Variants in VPS13B observed in about 807,000 individuals in gnomAD.
The protein encoded by VPS13B is intermembrane lipid transfer protein VPS13B.
In VPS13B, 285 loss-of-function variants were observed where a neutral mutation model predicts 426.4. The observed-to-expected ratio is 0.67, with a 90% confidence interval of 0.61 to 0.74. VPS13B has a LOEUF of 0.74. Ranked by LOEUF, VPS13B falls within the 30% of genes least tolerant of loss-of-function variation. VPS13B has a pLI of 0.00. For missense variants in VPS13B, 4,537 were observed against 4,782.6 expected (o/e 0.95, Z 1.51); for synonymous variants, 1,676 against 1,676.4 (o/e 1.00, Z 0.01).
chr8:99,582,983 G>GT (rs759308542), intron 33 of VPS13B, among the ~76,000 whole-genome samples: 16 of 152,218 alleles, frequency 1.1e-4, no homozygotes, highest in Non-Finnish European at 1.8e-4. Flanking sequence ...TATTTACTCA[G>GT]TTTTTTAAAA....
At chr8:99,739,955 G>A (rs1006584529) in intron 39 of VPS13B, among the ~76,000 whole-genome samples, 1 of 152,158 alleles carries the variant, frequency 6.6e-6, no homozygotes, top group Non-Finnish European at 1.5e-5. Context: ...ACCAGCAACA[G>A]AACAAAGCTA....
chr8:99,179,842 GTTT>G (rs1812853756), intron 16 of VPS13B, among the ~76,000 whole-genome samples: 1 of 151,406 alleles, frequency 6.6e-6, no homozygotes, highest in African/African-American at 2.4e-5. Flanking sequence ...TTTTTTTTTG[GTTT>G]TCTGATTTAT....
chr8:99,467,913 A>G (rs1819195982), intron 24 of VPS13B, among the ~76,000 whole-genome samples: 1 of 152,128 alleles, frequency 6.6e-6, no homozygotes, highest in Non-Finnish European at 1.5e-5. Flanking sequence ...CTGAAGAACT[A>G]TTTTACTGTA....
At chr8:99,330,698 C>T (rs1049274856) in intron 19 of VPS13B, among the ~76,000 whole-genome samples, 3 of 151,524 alleles carry the variant, frequency 2.0e-5, no homozygotes, top group Non-Finnish European at 4.4e-5. Flanking sequence ...ATTAGAAGGG[C>T]GTTACAGTGG....
chr8:99,466,414 T>A (rs1819116094), intron 23 of VPS13B, among the ~76,000 whole-genome samples: 1 of 152,138 alleles, frequency 6.6e-6, no homozygotes, highest in Admixed American at 6.6e-5. Context: ...CAAGCACTAG[T>A]AGAATTGTAA....
chr8:99,564,985 G>A (rs983259698), intron 31 of VPS13B, among the ~76,000 whole-genome samples: 1 of 152,172 alleles, frequency 6.6e-6, no homozygotes, highest in African/African-American at 2.4e-5. Context: ...CTGAGGAAAT[G>A]TACTGATGTC....
At chr8:99,541,952 C>T (rs1203914978) in intron 30 of VPS13B, among the ~76,000 whole-genome samples, 2 of 152,166 alleles carry the variant, frequency 1.3e-5, no homozygotes, top group Non-Finnish European at 2.9e-5. Flanking sequence ...CTAGAACCTC[C>T]ACTTGCAGGA....
intron 36 of VPS13B, among the ~76,000 whole-genome samples, chr8:99,703,212 C>T (rs759651776): frequency 2.0e-5 from 3 of 152,130 alleles, no homozygotes; most frequent in Middle Eastern, 3.4e-3. Flanking sequence ...TGGAATGAAA[C>T]GAAATGGTTA....
intron 35 of VPS13B, chr8:99,697,202 G>A: frequency 5.4e-6 from 3 of 559,640 alleles, no homozygotes; most frequent in Admixed American, 2.7e-5. Context: ...TGGAGGGTGG[G>A]CAAGTGCACA....
intron 3 of VPS13B, among the ~76,000 whole-genome samples, chr8:99,051,840 C>T (rs891749773): frequency 4.6e-5 from 7 of 151,814 alleles, no homozygotes; most frequent in South Asian, 4.2e-4. Flanking sequence ...TTGTCTGTTA[C>T]TGGTGTATAA....
intron 2 of VPS13B, among the ~76,000 whole-genome samples, chr8:99,014,444 C>T (rs2132128499): frequency 6.6e-6 from 1 of 151,940 alleles, no homozygotes; most frequent in South Asian, 2.1e-4. Flanking sequence ...ATAGTTTGTT[C>T]CCAGTTTTGG....
At chr8:99,792,306 G>T (rs1350858751) in intron 43 of VPS13B, among the ~76,000 whole-genome samples, 1 of 152,076 alleles carries the variant, frequency 6.6e-6, no homozygotes, top group African/African-American at 2.4e-5. Flanking sequence ...AATTTCCAGG[G>T]AAAGACAATT....
At chr8:99,121,152 A>G in intron 7 of VPS13B, 25 bp from the exon 8 acceptor site, 1 of 1,602,096 alleles carries the variant, frequency 6.2e-7, no homozygotes. Context: ...TGACTTATTT[A>G]AAATGACTTA....
At chr8:99,849,446 T>G (rs1439777677) in intron 55 of VPS13B, among the ~76,000 whole-genome samples, 2 of 152,190 alleles carry the variant, frequency 1.3e-5, no homozygotes, top group African/African-American at 4.8e-5. Context: ...CAGAAAATTC[T>G]AAGAAGAGGA....
chr8:99,718,850 G>T (rs1833023275), intron 37 of VPS13B, among the ~76,000 whole-genome samples: 1 of 151,592 alleles, frequency 6.6e-6, no homozygotes, highest in Admixed American at 6.6e-5. Flanking sequence ...TAAGAGACAG[G>T]TTCTCACTAT....
At chr8:99,495,985 C>T (rs1052781380) in intron 25 of VPS13B, among the ~76,000 whole-genome samples, 5 of 152,218 alleles carry the variant, frequency 3.3e-5, no homozygotes, top group Non-Finnish European at 1.5e-5. Context: ...AGTCCTTTAT[C>T]ATTTGAGGAA....
chr8:99,575,649 A>G lies in VPS13B; in HGVS notation c.4950-9A>G, dbSNP rs373474658. 52 of 1,613,664 alleles carry G rather than the reference A, an allele frequency of 3.2e-5. No homozygotes were observed. Among genetic ancestry groups the G allele is most frequent in the Non-Finnish European group, 4.0e-5 (47 of 1,179,828 alleles). On this transcript the variant is annotated splice_polypyrimidine_tract_variant and intron_variant, in intron 31 of 61. Transcript: ENST00000357162. ...GAAATGGCTAATAATCTTTTACTCT[A>G]TCTTTTAGCATACGGCGGCATCAAG...
chr8:99,623,385 A>G (rs1483222692), intron 33 of VPS13B, among the ~76,000 whole-genome samples: 1 of 152,070 alleles, frequency 6.6e-6, no homozygotes, highest in Non-Finnish European at 1.5e-5. Context: ...TGTATAATCT[A>G]CTAACATACT....
chr8:99,251,440 T>C (rs1817505130), intron 17 of VPS13B, among the ~76,000 whole-genome samples: 1 of 152,194 alleles, frequency 6.6e-6, no homozygotes, highest in Non-Finnish European at 1.5e-5. Context: ...TTTTCTTCTT[T>C]AGCCTGTTCA....
Sources: gnomAD v4.1 joint callset for allele counts (sites outside exome capture counted in the v4.1 genomes callset) on GRCh38, gnomAD v4.1.1 for gene constraint, MANE v1.5 for transcripts, NCBI Gene and HGNC (gene_info 2026-07-23, HGNC 2026-07-21) for gene names.